CHRM3: variants seen among roughly 807,000 people sequenced by gnomAD.
The protein encoded by CHRM3 is cholinergic receptor muscarinic 3.
A neutral mutation model predicts 41.8 loss-of-function variants in CHRM3; 11 were observed. That is an observed-to-expected ratio of 0.26 (90% CI 0.17 to 0.44). The LOEUF is 0.44. CHRM3 is among the 20% of genes least tolerant of loss of function. The probability of loss-of-function intolerance (pLI) is 1.00; values close to 1 mark genes in which losing one functional copy is unlikely to be tolerated. For missense variants in CHRM3, 571 were observed against 745.4 expected, an observed-to-expected ratio of 0.77 and a Z score of 2.72; for synonymous variants, 297 against 301.4, an observed-to-expected ratio of 0.99 and a Z score of 0.15.
chr1:239,828,222 A>G (rs543558031), intron 6 of CHRM3, among the ~76,000 whole-genome samples: 82 of 152,170 alleles, frequency 5.4e-4, no homozygotes, highest in Non-Finnish European at 9.8e-4. Flanking sequence ...ACATACATAC[A>G]TAGACACACA....
At chr1:239,495,563 T>C (rs1796835) in intron 2 of CHRM3, among the ~76,000 whole-genome samples, 86,018 of 151,958 alleles carry the variant, frequency 0.57, 24,809 homozygotes, top group African/African-American at 0.65. Context: ...GAATGGAGAT[T>C]GGGTGTGGCT....
rs1680249040 is a variant in CHRM3 at position 239,909,692 on chromosome 1, A to G, written c.*468A>G. 5.9e-6 allele frequency: 1 copy of G among 169,574 alleles called. No individual in the cohort carries two copies. The highest frequency in any genetic ancestry group is 1.4e-5 in the Non-Finnish European group (1 of 69,944). The allele number at this position is 169,574 out of a possible 1,614,324, so 10.5% of individuals were successfully genotyped here. On this transcript the variant is annotated 3_prime_UTR_variant, in exon 7 of 7. Transcript: ENST00000676153. The stretch of plus-strand genomic sequence containing the variant: ...ATCTGTGGTTCCAAAATTATTTCAT[A>G]CGTTGCAAAGCTGAATCTTCTTGTC...
chr1:239,510,121 G>T (rs1668825326), intron 2 of CHRM3, among the ~76,000 whole-genome samples: 1 of 152,078 alleles, frequency 6.6e-6, no homozygotes, highest in Non-Finnish European at 1.5e-5. Context: ...AGAAGTAAAA[G>T]CTATTTACCT....
chr1:239,747,803 G>A (rs1368521694), intron 5 of CHRM3, among the ~76,000 whole-genome samples: 3 of 152,086 alleles, frequency 2.0e-5, no homozygotes, highest in East Asian at 1.9e-4. Context: ...AGACCAAGGC[G>A]GACCAATCAC....
At chr1:239,767,118 T>C (rs1667291500) in intron 5 of CHRM3, among the ~76,000 whole-genome samples, 1 of 152,224 alleles carries the variant, frequency 6.6e-6, no homozygotes, top group African/African-American at 2.4e-5. Flanking sequence ...TCTTCCCCAA[T>C]TGAATTTTGT....
chr1:239,814,147 TA>T (rs1164094812), intron 5 of CHRM3, among the ~76,000 whole-genome samples: 2 of 152,212 alleles, frequency 1.3e-5, no homozygotes, highest in Non-Finnish European at 2.9e-5. Context: ...ATAATCATTT[TA>T]GGTGTCCCTG....
chr1:239,679,201 A>G (rs1400378215), intron 5 of CHRM3, among the ~76,000 whole-genome samples: 2 of 152,214 alleles, frequency 1.3e-5, no homozygotes, highest in Non-Finnish European at 2.9e-5. Context: ...TATTAAAAAT[A>G]TAGCAGGCTT....
intron 5 of CHRM3, among the ~76,000 whole-genome samples, chr1:239,826,255 C>T (rs1431192075): frequency 1.3e-5 from 2 of 152,082 alleles, no homozygotes; most frequent in African/African-American, 4.8e-5. Context: ...TGCTCATCCC[C>T]ACCACCCTCG....
At chr1:239,685,940 G>A (rs532170424) in intron 5 of CHRM3, among the ~76,000 whole-genome samples, 2 of 151,310 alleles carry the variant, frequency 1.3e-5, no homozygotes, top group East Asian at 3.9e-4. Context: ...ACTGAATGAT[G>A]GGCAACAGAG....
At chr1:239,503,574 G>A (rs1324485340) in intron 2 of CHRM3, among the ~76,000 whole-genome samples, 5 of 151,802 alleles carry the variant, frequency 3.3e-5, no homozygotes, top group Non-Finnish European at 7.4e-5. Context: ...AAAATAATAT[G>A]AAACAAAACA....
intron 4 of CHRM3, among the ~76,000 whole-genome samples, chr1:239,665,917 A>C (rs1283752322): frequency 6.6e-6 from 1 of 152,142 alleles, no homozygotes; most frequent in Non-Finnish European, 1.5e-5. Context: ...CAATCTATCA[A>C]TGATGGGAAT....
chr1:239,665,164 GA>G (rs56144752), intron 4 of CHRM3, among the ~76,000 whole-genome samples: 75,327 of 119,488 alleles, frequency 0.63, 21,656 homozygotes, highest in East Asian at 0.72. Flanking sequence ...GTTTTTCTCT[GA>G]AAAAAAAAAA....
chr1:239,543,612 A>G (rs1312969780), intron 2 of CHRM3, among the ~76,000 whole-genome samples: 1 of 151,242 alleles, frequency 6.6e-6, no homozygotes, highest in African/African-American at 2.4e-5. Context: ...GGTTCACGCC[A>G]TTCTCCTGCC....
At chr1:239,572,888 A>C (rs2148544293) in intron 3 of CHRM3, among the ~76,000 whole-genome samples, 1 of 152,310 alleles carries the variant, frequency 6.6e-6, no homozygotes, top group African/African-American at 2.4e-5. Context: ...CTTTACATGT[A>C]GTCTTCCTTT....
intron 6 of CHRM3, among the ~76,000 whole-genome samples, chr1:239,838,423 A>C (rs550190308): frequency 2.6e-5 from 4 of 152,264 alleles, no homozygotes; most frequent in South Asian, 2.1e-4. Context: ...ACAACTCTAC[A>C]ATATATAGGT....
rs944121319 is a variant in CHRM3 at position 239,551,566 on chromosome 1, A to G, written c.-313+5817A>G. 2.0e-5 allele frequency among the ~76,000 whole-genome samples: 3 copies of G among 151,940 alleles called. No homozygotes were observed. In the South Asian group the frequency reaches 6.2e-4, roughly 31 times the overall value. On this transcript the variant is annotated intron_variant, in intron 3 of 6. Coordinates refer to ENST00000676153, the MANE Select transcript of CHRM3 (RefSeq NM_001375978.1). ...TCTGTGTCAATAAATGAGTAGCTAT[A>G]CATCACTCAGAGGAGGACTTAAACT... is the stretch of plus-strand genomic sequence containing the variant.
intron 3 of CHRM3, among the ~76,000 whole-genome samples, chr1:239,622,395 A>T (rs1006934521): frequency 1.2e-4 from 19 of 152,214 alleles, no homozygotes; most frequent in Admixed American, 3.9e-4. Flanking sequence ...GATCTGGGCA[A>T]TGTCAATTGA....
At chr1:239,428,123 C>G (rs567420138) in intron 1 of CHRM3, among the ~76,000 whole-genome samples, 3 of 152,186 alleles carry the variant, frequency 2.0e-5, no homozygotes, top group Non-Finnish European at 4.4e-5. Context: ...TCTACAAGCA[C>G]GTGCTCGAAA....
chr1:239,490,369 C>T (rs1337162636), intron 1 of CHRM3, among the ~76,000 whole-genome samples: 1 of 152,016 alleles, frequency 6.6e-6, no homozygotes, highest in Non-Finnish European at 1.5e-5. Context: ...GTGAAAGGAG[C>T]AAACAAAGGT....
Sources: gnomAD v4.1 joint callset for allele counts (sites outside exome capture counted in the v4.1 genomes callset) on GRCh38, gnomAD v4.1.1 for gene constraint, MANE v1.5 for transcripts, NCBI Gene and HGNC (gene_info 2026-07-23, HGNC 2026-07-21) for gene names.